Variants in SETX observed in about 807,000 individuals in gnomAD.
The protein encoded by SETX is senataxin, also known as helicase senataxin.
Under a neutral mutation model 227.2 loss-of-function variants are expected in SETX, and 90 were observed. That is an observed-to-expected ratio of 0.40 (90% CI 0.33 to 0.47). The LOEUF (loss-of-function observed/expected upper bound fraction) is 0.47. Ranked by LOEUF, SETX falls within the 20% of genes least tolerant of loss-of-function variation. The probability of loss-of-function intolerance (pLI) is 0.91; values close to 1 mark genes in which losing one functional copy is unlikely to be tolerated. For synonymous variants in SETX, 1,210 were observed against 1,113.2 expected (o/e 1.09, Z -1.73); for missense variants, 3,052 against 3,181.5 (o/e 0.96, Z 0.98).
rs963275490 is a variant in SETX, at chr9:132,261,824, T to C, written c.*2415A>G. ...AAGCTTTTAAGTAGCACATATTCAT[T>C]TGAAATAACTAATATTGAAAGAAGA... On this transcript the variant is annotated 3_prime_UTR_variant, in exon 26 of 26. Transcript: ENST00000224140. 1 of 154,762 alleles carries C rather than the reference T, an allele frequency of 6.5e-6. No individual in the cohort carries two copies. The highest frequency in any genetic ancestry group is 1.5e-5 in the Non-Finnish European group (1 of 68,228). 9.6% of individuals were successfully genotyped at this position (154,762 alleles called of 1,614,324 possible).
chr9:132,300,272 A>G (rs1303261385), intron 12 of SETX, among the ~76,000 whole-genome samples: 1 of 152,168 alleles, frequency 6.6e-6, no homozygotes, highest in Non-Finnish European at 1.5e-5. Flanking sequence ...AGATTCCTCA[A>G]GCTGCCTTAC....
chr9:132,276,248 G>C (rs566992345), intron 22 of SETX, among the ~76,000 whole-genome samples: 1 of 152,090 alleles, frequency 6.6e-6, no homozygotes, highest in East Asian at 1.9e-4. Flanking sequence ...GATGCTCTGC[G>C]GCTTAACTCG....
At chr9:132,338,221 A>G (rs1032863795) in intron 5 of SETX, among the ~76,000 whole-genome samples, 1 of 150,604 alleles carries the variant, frequency 6.6e-6, no homozygotes, top group Non-Finnish European at 1.5e-5. Flanking sequence ...CCTCCTAAGT[A>G]GCTGGGATTA....
rs1031399855 is a variant in SETX, at chr9:132,347,651, C to A, written c.178-1180G>T. On this transcript the variant is annotated intron_variant, in intron 3 of 25. Transcript: ENST00000224140. ...TAGAAGTTTTCTATAAATATCTCAA[C>A]ATCCCTATCAACTACATTCAAAAAA... 3.3e-5 allele frequency among the ~76,000 whole-genome samples: 5 copies of A among 151,402 alleles called. No individual in the cohort carries two copies. In the East Asian group the frequency reaches 7.8e-4, roughly 24 times the overall value.
chr9:132,329,711 C>A lies in SETX; in HGVS notation c.1887G>T (p.Lys629Asn). The change falls in exon 10 of 26, where the codon AAG becomes AAT. Residue 629 changes from lysine to asparagine, a missense_variant. Lys to Asn is a moderately conservative substitution (Grantham distance 94, BLOSUM62 0). This residue lies in a region of SETX where 1,483 missense variants were observed against 1,312.0 expected (regional missense o/e 1.13). Transcript: ENST00000224140. ...YNKEESEQMG[K>N]TSRKDMHCLE... ...AACAATGCATATCTTTTCTAGACGT[C>A]TTCCCCATTTGTTCACTTTCTTCTT... The A allele has an allele frequency of 6.2e-7, 1 of 1,614,120 alleles. No individual in the cohort carries two copies. The highest frequency in any genetic ancestry group is 8.5e-7 in the Non-Finnish European group (1 of 1,180,016).
intron 10 of SETX, among the ~76,000 whole-genome samples, chr9:132,325,012 G>C (rs1846616994): frequency 6.6e-6 from 1 of 152,188 alleles, no homozygotes; most frequent in African/African-American, 2.4e-5. Flanking sequence ...AACCAGAATA[G>C]GATGTGCTGG....
At chr9:132,300,596 GA>G in intron 12 of SETX, 33 bp downstream of exon 12, 1 of 1,603,750 alleles carries the variant, frequency 6.2e-7, no homozygotes, top group Non-Finnish European at 8.5e-7. Flanking sequence ...GACTGTATCT[GA>G]CATTTCCTGT....
At chr9:132,287,765 A>AC (rs750790871) in intron 17 of SETX, among the ~76,000 whole-genome samples, 6 of 126,938 alleles carry the variant, frequency 4.7e-5, no homozygotes, top group Non-Finnish European at 9.5e-5. Flanking sequence ...AACCAAAAGG[A>AC]CAAAAAAAAA....
At chr9:132,300,979 T>C (rs911362953) in intron 11 of SETX, among the ~76,000 whole-genome samples, 176 bp from the exon 12 acceptor site, 1 of 151,922 alleles carries the variant, frequency 6.6e-6, no homozygotes, top group African/African-American at 2.4e-5. Flanking sequence ...ATATTAAAAA[T>C]ATCAATTATA....
At chr9:132,299,974 C>CA (rs2131302696) in intron 12 of SETX, among the ~76,000 whole-genome samples, 2 of 151,770 alleles carry the variant, frequency 1.3e-5, no homozygotes, top group East Asian at 1.9e-4. Flanking sequence ...ACTAAAAACA[C>CA]AAAAAATTAG....
chr9:132,349,294 A>T lies in SETX; in HGVS notation c.135T>A (p.Ala45=), dbSNP rs773109548. The change falls in exon 3 of 26, where the codon GCT becomes GCA. Residue 45 remains alanine (A), a synonymous_variant. Transcript: ENST00000224140. The stretch of plus-strand genomic sequence containing the variant: ...ATTCATCTCTTGCTTTGTGGTACTC[A>T]GCCACACACTCCAAGCAGTAGCAGA... ...EDLCYCLECV[A]EYHKARDELP... is the part of the protein sequence containing the mutation. 8.7e-6 allele frequency: 14 copies of T among 1,613,944 alleles called. No homozygotes were observed. The highest frequency in any genetic ancestry group is 1.6e-4 in the Middle Eastern group (1 of 6,072).
rs150847815 is a variant in SETX at position 132,336,200 on chromosome 9, G to C, written c.718+96C>G. ...GGAGCTTGCGGTGAGTGGAGATGGTGCCACTGCACTCCAGCCTGGGCAACA... is the reference window on the plus strand; with the variant it reads ...GGAGCTTGCGGTGAGTGGAGATGGTCCCACTGCACTCCAGCCTGGGCAACA... On this transcript the variant is annotated intron_variant, in intron 6 of 25. Coordinates refer to ENST00000224140, the MANE Select transcript of SETX (RefSeq NM_015046.7). 308 of 998,594 alleles carry C rather than the reference G, an allele frequency of 3.1e-4. 4 individuals are homozygous for C. In the East Asian group the frequency reaches 5.9e-3, roughly 19 times the overall value. 61.9% of individuals were successfully genotyped at this position (998,594 alleles called of 1,614,324 possible).
chr9:132,314,903 TGTG>T (rs1253994830), intron 10 of SETX, among the ~76,000 whole-genome samples: 11 of 141,548 alleles, frequency 7.8e-5, no homozygotes, highest in African/African-American at 2.4e-4. Flanking sequence ...ATTATTTTAT[TGTG>T]TTTTTTTTTT....
chr9:132,313,725 T>C (rs940906879), intron 10 of SETX, among the ~76,000 whole-genome samples: 3 of 151,950 alleles, frequency 2.0e-5, no homozygotes, highest in Non-Finnish European at 1.5e-5. Context: ...TTGTGGTCCA[T>C]CAGAGCATTA....
At chr9:132,286,352 T>C (rs1324489393) in intron 18 of SETX, 71 bp downstream of exon 18, 1 of 1,095,892 alleles carries the variant, frequency 9.1e-7, no homozygotes, top group East Asian at 2.4e-5. Flanking sequence ...ATAGCTTGTC[T>C]GAACAGTCAT....
intron 4 of SETX, among the ~76,000 whole-genome samples, chr9:132,344,973 T>C (rs1213297830): frequency 1.3e-5 from 2 of 151,804 alleles, no homozygotes; most frequent in Non-Finnish European, 2.9e-5. Context: ...ACAACCAAAA[T>C]CTAGACAGCT....
chr9:132,298,458 C>A, intron 12 of SETX, 146 bp from the exon 13 acceptor site: 1 of 745,208 alleles, frequency 1.3e-6, no homozygotes, highest in South Asian at 1.6e-5. Context: ...GGACTGCTTC[C>A]TGAACCCAGT....
At chr9:132,335,370 G>A (rs62576478) in intron 6 of SETX, among the ~76,000 whole-genome samples, 117,066 of 130,446 alleles carry the variant, frequency 0.9, 52,492 homozygotes, top group Non-Finnish European at 0.92. Context: ...CAGCCTGGGC[G>A]ACAGAGCAAG....
At chr9:132,271,504 G>A (rs1842902061) in intron 24 of SETX, among the ~76,000 whole-genome samples, 2 of 152,090 alleles carry the variant, frequency 1.3e-5, no homozygotes, top group African/African-American at 4.8e-5. Context: ...GGTGGAGGAT[G>A]CAGTGGGCCA....
Sources: gnomAD v4.1 joint callset for allele counts (sites outside exome capture counted in the v4.1 genomes callset) on GRCh38, gnomAD v4.1.1 for gene constraint, gnomAD v4.1.1 regional missense constraint, MANE v1.5 for transcripts, NCBI Gene and HGNC (gene_info 2026-07-23, HGNC 2026-07-21) for gene names.